PADI4: variants seen among roughly 807,000 people sequenced by gnomAD.
The protein encoded by PADI4 is peptidyl arginine deiminase 4, also known as protein-arginine deiminase type-4.
In PADI4, 62 loss-of-function variants were observed where a neutral mutation model predicts 75.0. The ratio of observed to expected loss-of-function variants is 0.83; its 90% CI spans 0.67 to 1.02. PADI4 has a LOEUF of 1.02. Among genes scored for constraint, PADI4 ranks in the 50% least tolerant of loss-of-function variants. The pLI is 0.00. For synonymous variants in PADI4, 361 were observed against 348.1 expected (o/e 1.04, Z -0.41); for missense variants, 845 against 850.5 (o/e 0.99, Z 0.08).
chr1:17,338,857 G>C (rs566593973), intron 5 of PADI4, among the ~76,000 whole-genome samples: 1 of 152,182 alleles, frequency 6.6e-6, no homozygotes, highest in African/African-American at 2.4e-5. Flanking sequence ...TTCCTGGGGA[G>C]CTCTTAGAAT....
At chr1:17,311,561 CCA>C (rs1231538959) in intron 1 of PADI4, among the ~76,000 whole-genome samples, 6 of 151,070 alleles carry the variant, frequency 4.0e-5, no homozygotes, top group Non-Finnish European at 7.4e-5. Context: ...CTCGCTCTGT[CCA>C]GCCCAGGCTG....
intron 1 of PADI4, among the ~76,000 whole-genome samples, chr1:17,316,196 C>A (rs994915336): frequency 6.6e-6 from 1 of 151,624 alleles, no homozygotes; most frequent in Admixed American, 6.6e-5. Context: ...AAGTTTGAGA[C>A]CAGCCTGGTC....
chr1:17,331,192 G>T, intron 2 of PADI4, 43 bp downstream of exon 2: 1 of 1,533,932 alleles, frequency 6.5e-7, no homozygotes, highest in Non-Finnish European at 8.9e-7. Context: ...ATGGGCTTCA[G>T]CAGGGCAGCC....
At chr1:17,357,941 A>AC (rs1553149924) in intron 13 of PADI4, among the ~76,000 whole-genome samples, 1 of 143,402 alleles carries the variant, frequency 7.0e-6, no homozygotes, top group African/African-American at 2.6e-5. Context: ...AAAAAAAAAA[A>AC]AAAAAACAAG....
At chr1:17,345,331 G>A (rs913835491) in intron 8 of PADI4, among the ~76,000 whole-genome samples, 2 of 152,216 alleles carry the variant, frequency 1.3e-5, no homozygotes, top group African/African-American at 2.4e-5. Flanking sequence ...GAAGGGACTT[G>A]CCCTGTCTCA....
chr1:17,331,723 G>A (rs2074216721), intron 2 of PADI4, among the ~76,000 whole-genome samples: 1 of 152,124 alleles, frequency 6.6e-6, no homozygotes, highest in African/African-American at 2.4e-5. Context: ...TTTGAGACCA[G>A]CCTGGCCAAC....
chr1:17,353,360 G>A (rs1635568), intron 10 of PADI4, among the ~76,000 whole-genome samples: 4,301 of 152,128 alleles, frequency 0.028, 84 homozygotes, highest in Non-Finnish European at 0.04. Flanking sequence ...CCAGCTACTC[G>A]GGCGGCTGAG....
Position 17,351,487 on chromosome 1 carries a change from A to G in PADI4, c.1156-3046A>G, listed in dbSNP as rs187470491. ...AAGCCAGGCATGGTGGTGCATGCCT[A>G]TAGTTCCAGCTACTTAGGAGGCTGA... On this transcript the variant is annotated intron_variant, in intron 10 of 15. Transcript: ENST00000375448. Among the ~76,000 whole-genome samples the G allele has an allele frequency of 6.0e-4, 91 of 151,640 alleles. No individual in the cohort carries two copies. In the South Asian group the frequency reaches 8.5e-3, roughly 14 times the overall value.
chr1:17,361,837 G>T (rs576719447), intron 15 of PADI4, among the ~76,000 whole-genome samples: 3 of 152,322 alleles, frequency 2.0e-5, no homozygotes, highest in Non-Finnish European at 2.9e-5. Context: ...TATGGAAAGT[G>T]CCATAACAGA....
chr1:17,331,627 T>C (rs962678305), intron 2 of PADI4, among the ~76,000 whole-genome samples: 1 of 102,880 alleles, frequency 9.7e-6, no homozygotes, highest in Non-Finnish European at 2.2e-5. Flanking sequence ...AAAATCACCA[T>C]GGTGGCCTGG....
At chr1:17,353,895 G>A (rs990003364) in intron 10 of PADI4, among the ~76,000 whole-genome samples, 1 of 152,144 alleles carries the variant, frequency 6.6e-6, no homozygotes, top group Non-Finnish European at 1.5e-5. Flanking sequence ...GCCATCCCTG[G>A]ACTTAAGCCC....
intron 1 of PADI4, among the ~76,000 whole-genome samples, chr1:17,319,913 G>GA (rs939159013): frequency 6.6e-6 from 1 of 152,134 alleles, no homozygotes; most frequent in Non-Finnish European, 1.5e-5. Flanking sequence ...TACTATGTAC[G>GA]AAAAAACCTT....
intron 8 of PADI4, 59 bp downstream of exon 8, chr1:17,342,461 G>T (rs553312194): frequency 2.0e-6 from 2 of 1,010,898 alleles, no homozygotes; most frequent in African/African-American, 1.6e-5. Context: ...AGTTCCATCC[G>T]CAGCACTCAC....
intron 8 of PADI4, among the ~76,000 whole-genome samples, chr1:17,344,616 C>T: frequency 6.6e-6 from 1 of 152,232 alleles, no homozygotes; most frequent in East Asian, 1.9e-4. Flanking sequence ...TGCATCCCAG[C>T]TGCTCCAGCC....
At chr1:17,345,892 C>T (rs1181752476) in intron 8 of PADI4, 136 bp from the exon 9 acceptor site, 5 of 610,980 alleles carry the variant, frequency 8.2e-6, no homozygotes, top group African/African-American at 3.7e-5. Context: ...CTGCTAAGAG[C>T]AGATGGACCG....
intron 6 of PADI4, among the ~76,000 whole-genome samples, chr1:17,340,569 G>A (rs1283144084): frequency 1.3e-5 from 2 of 152,054 alleles, no homozygotes; most frequent in African/African-American, 4.8e-5. Flanking sequence ...TGGTTTGGAG[G>A]AATGCAGGGA....
chr1:17,320,436 G>C (rs899634847), intron 1 of PADI4, among the ~76,000 whole-genome samples: 5 of 152,218 alleles, frequency 3.3e-5, no homozygotes, highest in Non-Finnish European at 7.3e-5. Flanking sequence ...AGTCCCAAAG[G>C]CTGCTGGTTG....
intron 11 of PADI4, 99 bp downstream of exon 11, chr1:17,354,786 A>G: frequency 8.8e-7 from 1 of 1,130,460 alleles, no homozygotes; most frequent in South Asian, 1.6e-5. Flanking sequence ...TTCCGATTCT[A>G]GACAGCCCAA....
chr1:17,354,440 CT>C, intron 10 of PADI4, 92 bp from the exon 11 acceptor site: 2 of 1,086,148 alleles, frequency 1.8e-6, no homozygotes, highest in Non-Finnish European at 2.9e-6. Context: ...GAGTTACTTC[CT>C]GTGCCCAAGT....
Sources: allele counts gnomAD v4.1 joint callset (sites outside exome capture counted in the v4.1 genomes callset), GRCh38; gene constraint gnomAD v4.1.1; transcripts MANE v1.5; gene names NCBI Gene and HGNC (gene_info 2026-07-23, HGNC 2026-07-21).